Variants in NSD2 observed in about 807,000 individuals in gnomAD.
NSD2 encodes nuclear receptor binding SET domain protein 2, also known as histone-lysine N-methyltransferase NSD2.
In NSD2, 12 loss-of-function variants were observed where a neutral mutation model predicts 139.0. That is an observed-to-expected ratio of 0.09 (90% CI 0.06 to 0.14). NSD2 has a LOEUF of 0.14. Among genes scored for constraint, NSD2 ranks in the 10% least tolerant of loss-of-function variants. NSD2 has a pLI of 1.00. For synonymous variants in NSD2, 669 were observed against 648.7 expected (o/e 1.03, Z -0.48); for missense variants, 1,155 against 1,745.0 (o/e 0.66, Z 6.02).
At chr4:1,924,227 C>T (rs1221545960) in intron 5 of NSD2, among the ~76,000 whole-genome samples, 3 of 152,138 alleles carry the variant, frequency 2.0e-5, no homozygotes, top group Admixed American at 2.0e-4. Context: ...TGTACAGCCA[C>T]CGTTTCAGGC....
chr4:1,892,990 A>C (rs1228451568), intron 1 of NSD2: 3 of 152,156 alleles, frequency 2.0e-5, no homozygotes, highest in Non-Finnish European at 4.4e-5. Flanking sequence ...TAATTTTAAG[A>C]AGAAAAATAT....
chr4:1,940,890 C>T, intron 9 of NSD2: 1 of 1,057,682 alleles, frequency 9.5e-7, no homozygotes, highest in Non-Finnish European at 1.1e-6. Flanking sequence ...CGGCTTGCCA[C>T]TCTGAATCCT....
At chr4:1,922,787 A>G (rs1353369434) in intron 5 of NSD2, among the ~76,000 whole-genome samples, 1 of 152,084 alleles carries the variant, frequency 6.6e-6, no homozygotes, top group Non-Finnish European at 1.5e-5. Context: ...TTAGTTGGGC[A>G]TGGTGGCAGG....
Position 1,975,361 on chromosome 4 carries a change from A to G in NSD2, c.3582A>G (p.Gly1194=), listed in dbSNP as rs149284685. The part of the protein sequence containing the change: ...LGNEKTVCRC[G]ASNCSGFLGD... The stretch of plus-strand genomic sequence containing the variant: ...ATGAAAAAACGGTCTGCCGGTGTGG[A>G]GCCTCCAATTGCAGTGGATTCCTCG... Residue 1194 remains glycine, a synonymous_variant, in exon 20 of 22, where the codon GGA becomes GGG. Coordinates refer to ENST00000508803, the MANE Select transcript of NSD2 (RefSeq NM_001042424.3). 1,985 of 1,614,094 alleles carry G rather than the reference A, an allele frequency of 1.2e-3. No homozygotes were observed. The highest frequency in any genetic ancestry group is 1.6e-3 in the Non-Finnish European group (1,883 of 1,180,008).
At chr4:1,888,067 T>C (rs1715248124) in intron 1 of NSD2, among the ~76,000 whole-genome samples, 1 of 152,136 alleles carries the variant, frequency 6.6e-6, no homozygotes, top group South Asian at 2.1e-4. Context: ...CCTTCATGTT[T>C]GGTGATACGT....
chr4:1,894,718 A>C (rs988546844), intron 1 of NSD2, among the ~76,000 whole-genome samples: 3 of 151,980 alleles, frequency 2.0e-5, no homozygotes, highest in African/African-American at 7.3e-5. Context: ...TCTTTCCCTC[A>C]TCCTCCCAAG....
At chr4:1,946,341 C>A in intron 9 of NSD2, 1 of 574,434 alleles carries the variant, frequency 1.7e-6, no homozygotes, top group Non-Finnish European at 2.2e-6. Context: ...AATCTCGGCT[C>A]ACTGCAACCT....
chr4:1,960,632 T>C, intron 17 of NSD2, among the ~76,000 whole-genome samples: 1 of 152,220 alleles, frequency 6.6e-6, no homozygotes, highest in East Asian at 1.9e-4. Flanking sequence ...CCCAGCACCC[T>C]TGTTCCTCGC....
chr4:1,907,637 T>G (rs1051564799), intron 3 of NSD2, among the ~76,000 whole-genome samples: 31 of 148,348 alleles, frequency 2.1e-4, no homozygotes, highest in African/African-American at 7.3e-4. Flanking sequence ...TTTTTTTTTT[T>G]TGTGACACAG....
At chr4:1,927,719 G>GGA (rs1721113291) in intron 5 of NSD2, among the ~76,000 whole-genome samples, 7 of 18,910 alleles carry the variant, frequency 3.7e-4, no homozygotes, top group African/African-American at 7.4e-4. Context: ...TCTTATCTCA[G>GGA]AAAAAAAAAA....
At position 1,888,410 on chromosome 4, in the gene NSD2, C is replaced by CA. The variant is rs61397233; in HGVS notation, c.-29-12189dup. 9.1e-3 allele frequency among the ~76,000 whole-genome samples: 486 copies of CA among 53,226 alleles called. 34 individuals are homozygous for CA. The highest frequency in any genetic ancestry group is 0.025 in the African/African-American group (328 of 13,278). 34.9% of individuals were successfully genotyped at this position (53,226 alleles called of 152,430 possible). A position where few individuals can be genotyped will look rare whatever the true frequency, so the allele number is the denominator to read the frequency against. On this transcript the variant is annotated intron_variant, in intron 1 of 21. Transcript: ENST00000508803. ...CCTGGGTGACAGAGCGAGATTGCCT[C>CA]AAAAAAAAAAAAAAAAAAAAAAAAA... is the stretch of plus-strand genomic sequence containing the variant.
chr4:1,883,136 T>A (rs1156600420), intron 1 of NSD2, among the ~76,000 whole-genome samples: 1 of 152,182 alleles, frequency 6.6e-6, no homozygotes, highest in Non-Finnish European at 1.5e-5. Flanking sequence ...CCTAAGTTTT[T>A]GTCTGACAGA....
chr4:1,888,673 T>C (rs919118980), intron 1 of NSD2, among the ~76,000 whole-genome samples: 1 of 151,948 alleles, frequency 6.6e-6, no homozygotes, highest in African/African-American at 2.4e-5. Context: ...CAAGCGATTT[T>C]CCTGCCTCAG....
At chr4:1,903,268 G>A (rs1717428558) in intron 2 of NSD2, among the ~76,000 whole-genome samples, 1 of 152,202 alleles carries the variant, frequency 6.6e-6, no homozygotes, top group Non-Finnish European at 1.5e-5. Context: ...TTGGAGGGTT[G>A]GGGCCATGCT....
At chr4:1,951,254 C>G (rs765680164) in intron 10 of NSD2, 51 bp downstream of exon 10, 10 of 1,610,224 alleles carry the variant, frequency 6.2e-6, no homozygotes. Flanking sequence ...TGACTGGGGC[C>G]CCGGTACGCA....
At chr4:1,922,070 C>G (rs1285102691) in intron 5 of NSD2, among the ~76,000 whole-genome samples, 1 of 152,104 alleles carries the variant, frequency 6.6e-6, no homozygotes, top group Non-Finnish European at 1.5e-5. Context: ...ATTGCTGGAA[C>G]CTGGAGGCAG....
Position 1,974,864 on chromosome 4 carries a change from A to T in NSD2, c.3374A>T (p.Asp1125Val), listed in dbSNP as rs1726907776. ...THFYMLTIDK[D>V]RIIDAGPKGN... is the part of the protein sequence containing the mutation. ...CGAATATATCACTTGACCTTACAGG[A>T]CCGTATAATAGACGCTGGCCCCAAA... Residue 1125 changes from aspartate (D) to valine (V), a missense_variant and splice_region_variant, in exon 19 of 22, where the codon GAC becomes GTC. By Grantham distance (152) the Asp-to-Val change is radical. Transcript: ENST00000508803. The surrounding 1 kb of genome is among the most constrained non-coding windows in gnomAD (Gnocchi z 4.0). 2 of 1,614,124 alleles carry T rather than the reference A, an allele frequency of 1.2e-6. No individual in the cohort carries two copies. Among genetic ancestry groups the T allele is most frequent in the Non-Finnish European group, 1.7e-6 (2 of 1,180,056 alleles).
chr4:1,914,849 A>G (rs1016448759), intron 3 of NSD2, among the ~76,000 whole-genome samples: 6 of 152,140 alleles, frequency 3.9e-5, no homozygotes, highest in Admixed American at 3.3e-4. Context: ...CCCAACCCCC[A>G]GCAGCTTGAA....
intron 3 of NSD2, among the ~76,000 whole-genome samples, chr4:1,907,041 GTT>G (rs1264921145): frequency 6.6e-6 from 1 of 152,114 alleles, no homozygotes; most frequent in East Asian, 1.9e-4. Flanking sequence ...GCACCGTTGT[GTT>G]ACTCTCTGCG....
Sources: gnomAD v4.1 joint callset for allele counts (sites outside exome capture counted in the v4.1 genomes callset) on GRCh38, gnomAD v4.1.1 for gene constraint, Gnocchi (gnomAD v3.1) non-coding constraint, MANE v1.5 for transcripts, NCBI Gene and HGNC (gene_info 2026-07-23, HGNC 2026-07-21) for gene names.